The following FLI1 variants were observed in gnomAD, a reference collection of about 807,000 sequenced individuals.
The protein encoded by FLI1 is Friend leukemia integration 1 transcription factor.
Under a neutral mutation model 53.1 loss-of-function variants are expected in FLI1, and 13 were observed. The observed-to-expected ratio is 0.24, with a 90% CI of 0.16 to 0.39. The LOEUF (loss-of-function observed/expected upper bound fraction) is 0.39, where lower values mean the gene tolerates loss of function less well. FLI1 is among the 10% of genes least tolerant of loss of function. The pLI is 1.00. For missense variants in FLI1, 424 were observed against 600.5 expected, an observed-to-expected ratio of 0.71 and a Z score of 3.07; for synonymous variants, 244 against 236.7, an observed-to-expected ratio of 1.03 and a Z score of -0.28.
chr11:128,762,840 C>T (rs1941176856), intron 2 of FLI1, among the ~76,000 whole-genome samples: 1 of 152,100 alleles, frequency 6.6e-6, no homozygotes, highest in African/African-American at 2.4e-5. Context: ...CCTGTAATCC[C>T]ACCTACTCAG....
At chr11:128,779,795 T>C (rs1349856480) in intron 4 of FLI1, among the ~76,000 whole-genome samples, 2 of 152,232 alleles carry the variant, frequency 1.3e-5, no homozygotes, top group African/African-American at 4.8e-5. Context: ...GTGCTTTGCT[T>C]CATGATGGGG....
At position 128,694,160 on chromosome 11, in the gene FLI1, A is replaced by AG; in HGVS notation, c.-96dup. ...GCACGCAGGGAGGGCCCAGGGCGCC[A>AG]GGGAGGCCGCGCCGGGCTAATCCGA... is the stretch of plus-strand genomic sequence containing the variant. On this transcript the variant is annotated 5_prime_UTR_variant, in exon 1 of 9. Transcript: ENST00000527786. The AG allele has an allele frequency of 7.3e-7, 1 of 1,363,966 alleles. No homozygotes were observed. The highest frequency in any genetic ancestry group is 1.5e-5 in the South Asian group (1 of 67,262). The allele number at this position is 1,363,966 out of a possible 1,614,324, so 84.5% of individuals were successfully genotyped here.
intron 2 of FLI1, chr11:128,764,560 A>T (rs1005099355): frequency 1.7e-6 from 2 of 1,205,504 alleles, no homozygotes; most frequent in Non-Finnish European, 2.3e-6. Context: ...GCAGGTCTTA[A>T]TACAAATTAG....
chr11:128,758,170 C>T lies in FLI1; in HGVS notation c.74C>T (p.Ala25Val), dbSNP rs200865469. ...DQSLFDSAYG[A>V]AAHLPKADMT... is the part of the protein sequence containing the mutation. ...TCCCTCTTTGACTCAGCGTACGGAG[C>T]GGCAGCCCATCTCCCCAAGGCCGAC... The change falls in exon 2 of 9, where the codon GCG becomes GTG. Residue 25 changes from alanine (A) to valine (V), a missense_variant. This residue lies in a region of FLI1 where 137 missense variants were observed against 169.1 expected (regional missense o/e 0.81). Coordinates refer to ENST00000527786, the MANE Select transcript of FLI1 (RefSeq NM_002017.5). 353 of 1,613,352 alleles carry T rather than the reference C, an allele frequency of 2.2e-4. No individual in the cohort carries two copies. In the African/African-American group the frequency reaches 2.8e-3, roughly 13 times the overall value.
chr11:128,725,411 T>A (rs947000639), intron 1 of FLI1, among the ~76,000 whole-genome samples: 6 of 152,002 alleles, frequency 3.9e-5, no homozygotes, highest in Non-Finnish European at 7.4e-5. Context: ...TAACCAAAAG[T>A]CTTGGCCCCT....
chr11:128,702,290 G>A (rs1001526145), intron 1 of FLI1, among the ~76,000 whole-genome samples: 1 of 152,236 alleles, frequency 6.6e-6, no homozygotes, highest in Non-Finnish European at 1.5e-5. Context: ...TCCAGGCTTT[G>A]AGAGAGTAGA....
intron 1 of FLI1, among the ~76,000 whole-genome samples, chr11:128,743,991 AAT>A (rs1256444361): frequency 6.6e-6 from 1 of 152,164 alleles, no homozygotes; most frequent in Non-Finnish European, 1.5e-5. Context: ...GGTAGCTGCC[AAT>A]GGAGGGACCA....
At chr11:128,753,072 G>T (rs1039390690) in intron 1 of FLI1, among the ~76,000 whole-genome samples, 3 of 152,208 alleles carry the variant, frequency 2.0e-5, no homozygotes, top group Non-Finnish European at 4.4e-5. Flanking sequence ...GTACAAATGT[G>T]CTGGGGCACT....
intron 1 of FLI1, among the ~76,000 whole-genome samples, chr11:128,703,139 A>G (rs185033147): frequency 1.8e-4 from 27 of 152,342 alleles, no homozygotes; most frequent in Non-Finnish European, 3.2e-4. Context: ...TAAAATTCCA[A>G]TGTTTATGAC....
intron 1 of FLI1, among the ~76,000 whole-genome samples, chr11:128,721,685 A>C (rs896870910): frequency 6.6e-6 from 1 of 152,286 alleles, no homozygotes; most frequent in Non-Finnish European, 1.5e-5. Flanking sequence ...GGGGGCTGGG[A>C]TGTTTACTCT....
At chr11:128,778,278 T>C (rs556615678) in intron 4 of FLI1, among the ~76,000 whole-genome samples, 1 of 152,182 alleles carries the variant, frequency 6.6e-6, no homozygotes, top group East Asian at 1.9e-4. Context: ...CGTGAGACAT[T>C]ATCGTGACGT....
rs1328372046 is a variant in FLI1 at position 128,748,072 on chromosome 11, C to G, written c.19-10043C>G. 2.0e-5 allele frequency among the ~76,000 whole-genome samples: 3 copies of G among 152,156 alleles called. No individual in the cohort carries two copies. The East Asian group carries it at 5.8e-4, about 29-fold the overall frequency. On this transcript the variant is annotated intron_variant, in intron 1 of 8. Transcript: ENST00000527786. ...CCTGGAGCAGCACTGAACGGGAGGC[C>G]CGTGAGGCACAGAAGGCCATGGCTC...
intron 1 of FLI1, among the ~76,000 whole-genome samples, chr11:128,734,639 T>C (rs1379561419): frequency 6.6e-6 from 1 of 152,200 alleles, no homozygotes; most frequent in Non-Finnish European, 1.5e-5. Context: ...TGGTGGCCAG[T>C]TTCATTTCCT....
At chr11:128,768,603 C>T (rs368449697) in intron 3 of FLI1, 3 of 249,514 alleles carry the variant, frequency 1.2e-5, no homozygotes, top group South Asian at 5.2e-5. Flanking sequence ...GCAGGAGACT[C>T]GCTTTAACCG....
intron 1 of FLI1, among the ~76,000 whole-genome samples, chr11:128,753,619 T>C (rs1307807673): frequency 6.6e-6 from 1 of 152,268 alleles, no homozygotes; most frequent in African/African-American, 2.4e-5. Flanking sequence ...GTTTTAAGTT[T>C]AAACTTTAAA....
At chr11:128,744,341 G>C (rs637002) in intron 1 of FLI1, among the ~76,000 whole-genome samples, 102,429 of 152,142 alleles carry the variant, frequency 0.67, 34,483 homozygotes, top group Admixed American at 0.74. Context: ...TACGGATCAT[G>C]TAGCTCAGTC....
At chr11:128,795,536 G>A (rs1942409363) in intron 5 of FLI1, among the ~76,000 whole-genome samples, 1 of 150,814 alleles carries the variant, frequency 6.6e-6, no homozygotes. Context: ...AGTTCTGTAG[G>A]ATGCGTTAGA....
intron 1 of FLI1, among the ~76,000 whole-genome samples, chr11:128,737,594 A>G (rs1939961521): frequency 6.6e-6 from 1 of 152,232 alleles, no homozygotes; most frequent in Non-Finnish European, 1.5e-5. Flanking sequence ...GCATGAATGT[A>G]TTCTGTAGAA....
intron 4 of FLI1, among the ~76,000 whole-genome samples, chr11:128,774,967 A>G (rs561100576): frequency 2.0e-5 from 3 of 152,332 alleles, no homozygotes; most frequent in Middle Eastern, 3.4e-3. Context: ...TTTGGGGGGT[A>G]TAGCATGGCA....
Sources: gnomAD v4.1 joint callset for allele counts (sites outside exome capture counted in the v4.1 genomes callset) on GRCh38, gnomAD v4.1.1 for gene constraint, gnomAD v4.1.1 regional missense constraint, MANE v1.5 for transcripts, NCBI Gene and HGNC (gene_info 2026-07-23, HGNC 2026-07-21) for gene names.